LIMD1: variants seen among roughly 807,000 people sequenced by gnomAD.
LIMD1 encodes LIM domain-containing protein 1.
A neutral mutation model predicts 58.4 loss-of-function variants in LIMD1; 23 were observed. The ratio of observed to expected loss-of-function variants is 0.39; its 90% CI spans 0.28 to 0.56. LIMD1 has a LOEUF of 0.56. Ranked by LOEUF, LIMD1 falls within the 20% of genes least tolerant of loss-of-function variation. LIMD1 has a pLI of 0.57. For synonymous variants in LIMD1, 334 were observed against 345.5 expected (o/e 0.97, Z 0.37); for missense variants, 838 against 855.5 (o/e 0.98, Z 0.25).
chr3:45,623,542 G>A (rs969312756), intron 1 of LIMD1, among the ~76,000 whole-genome samples: 1 of 152,220 alleles, frequency 6.6e-6, no homozygotes, highest in African/African-American at 2.4e-5. Flanking sequence ...CTTTCCCACT[G>A]TGATGAAGTA....
intron 2 of LIMD1, among the ~76,000 whole-genome samples, chr3:45,662,643 AT>A (rs1697457961): frequency 6.6e-6 from 1 of 151,792 alleles, no homozygotes; most frequent in Non-Finnish European, 1.5e-5. Context: ...ATGAATTGAA[AT>A]TTTCCTACTG....
At chr3:45,654,118 A>T (rs958903726) in intron 2 of LIMD1, among the ~76,000 whole-genome samples, 10 of 152,308 alleles carry the variant, frequency 6.6e-5, no homozygotes, top group Middle Eastern at 3.4e-3. Context: ...AAACTTACAT[A>T]AATAACCACA....
At chr3:45,638,953 T>C (rs1228565602) in intron 2 of LIMD1, among the ~76,000 whole-genome samples, 6 of 152,240 alleles carry the variant, frequency 3.9e-5, no homozygotes, top group Non-Finnish European at 1.5e-5. Flanking sequence ...TGTAGCTCAC[T>C]GCAGCCTTGA....
chr3:45,600,661 G>A (rs1288693940), intron 1 of LIMD1, among the ~76,000 whole-genome samples: 3 of 152,198 alleles, frequency 2.0e-5, no homozygotes, highest in African/African-American at 7.2e-5. Context: ...TGCTGACACT[G>A]CAGAGGTGGG....
rs1390850162 is a variant in LIMD1 at position 45,685,218 on chromosome 3, G to C, written c.*8159G>C. The C allele has an allele frequency of 6.6e-6, 1 of 152,166 alleles. No homozygotes were observed. Among genetic ancestry groups the C allele is most frequent in the Non-Finnish European group, 1.5e-5 (1 of 68,038 alleles). 9.4% of individuals were successfully genotyped at this position (152,166 alleles called of 1,614,324 possible). A position where few individuals can be genotyped will look rare whatever the true frequency, so the allele number is the denominator to read the frequency against. ...CCATCATTGGCTGGTTCCTTATCCT[G>C]AACATTGGTTTCCTTGGAATCTGAT... On this transcript the variant is annotated 3_prime_UTR_variant, in exon 8 of 8. Transcript: ENST00000273317.
At chr3:45,609,959 C>T (rs372906449) in intron 1 of LIMD1, among the ~76,000 whole-genome samples, 11 of 152,086 alleles carry the variant, frequency 7.2e-5, no homozygotes, top group South Asian at 2.1e-4. Flanking sequence ...TTTGGGAGGC[C>T]GAGGTGGGCA....
intron 6 of LIMD1, chr3:45,673,761 T>C (rs1168006927): frequency 1.9e-6 from 1 of 514,330 alleles, no homozygotes; most frequent in African/African-American, 1.9e-5. Flanking sequence ...AAAAAATTGT[T>C]AAAAATTGGC....
At chr3:45,599,860 C>T (rs911705723) in intron 1 of LIMD1, among the ~76,000 whole-genome samples, 4 of 152,204 alleles carry the variant, frequency 2.6e-5, no homozygotes, top group African/African-American at 4.8e-5. Flanking sequence ...TTGCTCCACA[C>T]CTGCTTTGGT....
At chr3:45,624,208 C>G (rs1283856673) in intron 1 of LIMD1, among the ~76,000 whole-genome samples, 1 of 152,126 alleles carries the variant, frequency 6.6e-6, no homozygotes, top group Admixed American at 6.5e-5. Flanking sequence ...ATGCCCTGAC[C>G]CTTGCCCCAA....
chr3:45,636,516 C>G (rs189228676), intron 2 of LIMD1, among the ~76,000 whole-genome samples: 1 of 152,208 alleles, frequency 6.6e-6, no homozygotes, highest in African/African-American at 2.4e-5. Flanking sequence ...CTAATCACAT[C>G]AGGTTTGAAA....
chr3:45,624,580 G>C (rs916069901), intron 1 of LIMD1, among the ~76,000 whole-genome samples: 3 of 152,182 alleles, frequency 2.0e-5, no homozygotes, highest in Admixed American at 2.0e-4. Context: ...GAAATTAGCC[G>C]GGTGTGGTGG....
At chr3:45,630,519 T>G (rs1392086494) in intron 1 of LIMD1, among the ~76,000 whole-genome samples, 1 of 152,088 alleles carries the variant, frequency 6.6e-6, no homozygotes, top group Non-Finnish European at 1.5e-5. Flanking sequence ...CAGGAGGAGC[T>G]GCGGGTTGCC....
chr3:45,633,102 T>G (rs983163998), intron 1 of LIMD1, among the ~76,000 whole-genome samples: 2 of 152,228 alleles, frequency 1.3e-5, no homozygotes, highest in African/African-American at 4.8e-5. Context: ...TCTGAATTAC[T>G]TGATGCTTTC....
chr3:45,608,834 G>A (rs1331002064), intron 1 of LIMD1, among the ~76,000 whole-genome samples: 1 of 63,668 alleles, frequency 1.6e-5, no homozygotes, highest in African/African-American at 5.4e-5. Context: ...AGCGAGACTC[G>A]GTATCAAAAA....
chr3:45,623,421 G>A lies in LIMD1; in HGVS notation c.1409-12729G>A, dbSNP rs1012394663. ...TGTTTCCCTGTAGAGTGGAGGCCAGGAATCATTTAGGCCAGGGAATAGTAG... is the reference window on the plus strand; with the variant it reads ...TGTTTCCCTGTAGAGTGGAGGCCAGAAATCATTTAGGCCAGGGAATAGTAG... On this transcript the variant is annotated intron_variant, in intron 1 of 7. Coordinates refer to ENST00000273317, the MANE Select transcript of LIMD1 (RefSeq NM_014240.3). 2.6e-5 allele frequency among the ~76,000 whole-genome samples: 4 copies of A among 152,118 alleles called. No homozygotes were observed. The East Asian group carries it at 7.7e-4, about 29-fold the overall frequency.
intron 6 of LIMD1, 33 bp from the exon 7 acceptor site, chr3:45,674,310 C>G (rs1243287872): frequency 6.2e-7 from 1 of 1,601,678 alleles, no homozygotes; most frequent in African/African-American, 1.3e-5. Flanking sequence ...TAACAGGCCT[C>G]TCCTATGTGT....
intron 1 of LIMD1, among the ~76,000 whole-genome samples, chr3:45,602,095 A>G (rs998398027): frequency 1.3e-5 from 2 of 152,024 alleles, no homozygotes; most frequent in African/African-American, 4.8e-5. Context: ...GGCGCCCGCC[A>G]CCACGCCCAG....
Position 45,658,678 on chromosome 3 carries a change from C to T in LIMD1, c.1511-6972C>T, listed in dbSNP as rs139835946. On this transcript the variant is annotated intron_variant, in intron 2 of 7. Transcript: ENST00000273317. The stretch of plus-strand genomic sequence containing the variant: ...TCAAGTGATTCTCCTGCCTCAGCCT[C>T]CTGAGTAGCTGGGACTACAGGCATG... 2.2e-4 allele frequency among the ~76,000 whole-genome samples: 33 copies of T among 151,470 alleles called. No homozygotes were observed. The East Asian group carries it at 6.1e-3, about 28-fold the overall frequency.
chr3:45,668,594 A>G (rs1297041480), intron 4 of LIMD1, among the ~76,000 whole-genome samples: 1 of 152,072 alleles, frequency 6.6e-6, no homozygotes. Context: ...CTCTACTAAA[A>G]ATACAAAAAT....
Sources: allele counts gnomAD v4.1 joint callset (sites outside exome capture counted in the v4.1 genomes callset), GRCh38; gene constraint gnomAD v4.1.1; transcripts MANE v1.5; gene names NCBI Gene and HGNC (gene_info 2026-07-23, HGNC 2026-07-21).